Variants in PATJ observed in about 807,000 individuals in gnomAD.
PATJ encodes the protein PATJ crumbs cell polarity complex component.
In PATJ, 190 loss-of-function variants were observed where a neutral mutation model predicts 224.9. The observed-to-expected ratio is 0.84, with a 90% CI of 0.75 to 0.95. The LOEUF (loss-of-function observed/expected upper bound fraction) is 0.95, where lower values mean the gene tolerates loss of function less well. PATJ is among the 40% of genes least tolerant of loss of function. The pLI is 0.00. For missense variants in PATJ, 2,121 were observed against 2,270.3 expected, an observed-to-expected ratio of 0.93 and a Z score of 1.34; for synonymous variants, 769 against 820.3, an observed-to-expected ratio of 0.94 and a Z score of 1.07.
intron 31 of PATJ, among the ~76,000 whole-genome samples, chr1:62,064,750 A>C (rs1656117648): frequency 6.6e-6 from 1 of 152,174 alleles, no homozygotes; most frequent in African/African-American, 2.4e-5. Flanking sequence ...GTTATATCCT[A>C]CTCATTTTTA....
chr1:61,877,807 C>T (rs905299454), intron 21 of PATJ, among the ~76,000 whole-genome samples: 4 of 152,122 alleles, frequency 2.6e-5, no homozygotes, highest in African/African-American at 9.7e-5. Flanking sequence ...CAACTTAAAT[C>T]CTAGAGCATT....
chr1:61,847,397 C>T (rs1662137256), intron 17 of PATJ, among the ~76,000 whole-genome samples: 1 of 152,146 alleles, frequency 6.6e-6, no homozygotes, highest in Non-Finnish European at 1.5e-5. Flanking sequence ...GCTTACTGTG[C>T]AGCTCTGGGA....
At chr1:61,756,294 T>C (rs1645635029) in intron 1 of PATJ, among the ~76,000 whole-genome samples, 1 of 152,202 alleles carries the variant, frequency 6.6e-6, no homozygotes, top group South Asian at 2.1e-4. Flanking sequence ...AAGCTAGTTA[T>C]TGTTTTCACA....
intron 28 of PATJ, among the ~76,000 whole-genome samples, chr1:62,004,083 C>G (rs1645952727): frequency 6.6e-6 from 1 of 152,146 alleles, no homozygotes; most frequent in African/African-American, 2.4e-5. Context: ...AGCAAACTAC[C>G]CAACTCCAAG....
chr1:61,754,848 C>G (rs574759279), intron 1 of PATJ, among the ~76,000 whole-genome samples: 1 of 151,794 alleles, frequency 6.6e-6, no homozygotes, highest in African/African-American at 2.4e-5. Flanking sequence ...TCTCTTGAGC[C>G]CAGGAGTTCA....
intron 26 of PATJ, among the ~76,000 whole-genome samples, chr1:61,917,176 A>G (rs906550162): frequency 4.6e-5 from 7 of 152,236 alleles, no homozygotes; most frequent in African/African-American, 1.4e-4. Flanking sequence ...AAGAGCTGTT[A>G]CCATCTTTGT....
chr1:61,965,682 G>A (rs913630906), intron 27 of PATJ, among the ~76,000 whole-genome samples: 1 of 152,186 alleles, frequency 6.6e-6, no homozygotes, highest in Non-Finnish European at 1.5e-5. Context: ...GCACCCAAAT[G>A]CGAGTGGCAA....
chr1:62,144,780 ATAT>A (rs1667869782), intron 41 of PATJ, among the ~76,000 whole-genome samples: 1 of 119,154 alleles, frequency 8.4e-6, no homozygotes, highest in Admixed American at 8.0e-5. Flanking sequence ...AAAAAAAAAT[ATAT>A]ATATATATAT....
intron 43 of PATJ, among the ~76,000 whole-genome samples, chr1:62,160,455 A>T (rs1669736486): frequency 6.6e-6 from 1 of 152,210 alleles, no homozygotes. Context: ...GACTACACTT[A>T]TTTTTGACAG....
At chr1:61,999,231 G>A (rs1159860029) in intron 28 of PATJ, among the ~76,000 whole-genome samples, 4 of 151,974 alleles carry the variant, frequency 2.6e-5, no homozygotes, top group Admixed American at 2.6e-4. Flanking sequence ...TTGTTCTCTG[G>A]GCCTCCATTT....
chr1:61,794,661 TTTG>T (rs551832327), intron 9 of PATJ, among the ~76,000 whole-genome samples: 3 of 151,926 alleles, frequency 2.0e-5, no homozygotes, highest in Non-Finnish European at 2.9e-5. Flanking sequence ...CTCATACTAA[TTTG>T]TTGTTGTTGT....
chr1:61,803,575 A>G (rs990344173), intron 12 of PATJ, among the ~76,000 whole-genome samples: 8 of 152,226 alleles, frequency 5.3e-5, no homozygotes, highest in Non-Finnish European at 7.3e-5. Flanking sequence ...CAAAAAGCCA[A>G]TAACAACACT....
At chr1:61,906,596 C>T (rs918524918) in intron 24 of PATJ, among the ~76,000 whole-genome samples, 3 of 152,190 alleles carry the variant, frequency 2.0e-5, no homozygotes, top group African/African-American at 7.2e-5. Flanking sequence ...CTCATGTGCC[C>T]ACTTTCTCCT....
intron 7 of PATJ, among the ~76,000 whole-genome samples, chr1:61,778,583 C>T (rs1206580139): frequency 6.6e-6 from 1 of 152,150 alleles, no homozygotes; most frequent in Non-Finnish European, 1.5e-5. Flanking sequence ...TCTTCATATA[C>T]ATCATCCAAA....
chr1:61,993,033 C>A (rs1416646325), intron 28 of PATJ, among the ~76,000 whole-genome samples: 2 of 152,136 alleles, frequency 1.3e-5, no homozygotes, highest in Non-Finnish European at 2.9e-5. Flanking sequence ...CACTAGGTAC[C>A]TGGAGACAGC....
intron 33 of PATJ, among the ~76,000 whole-genome samples, chr1:62,106,412 A>G (rs1313415173): frequency 6.6e-6 from 1 of 151,212 alleles, no homozygotes; most frequent in Non-Finnish European, 1.5e-5. Flanking sequence ...TCGAAGCTGC[A>G]GTGAGCTATG....
intron 38 of PATJ, 59 bp downstream of exon 38, chr1:62,121,354 ATG>A: frequency 1.0e-5 from 11 of 1,099,796 alleles, no homozygotes; most frequent in African/African-American, 4.8e-5. Flanking sequence ...AAAAAAAAAA[ATG>A]TGTTTTTTAA....
At chr1:61,810,514 TAG>T (rs1654493027) in intron 14 of PATJ, among the ~76,000 whole-genome samples, 1 of 151,752 alleles carries the variant, frequency 6.6e-6, no homozygotes, top group African/African-American at 2.4e-5. Flanking sequence ...CTGGCCAACA[TAG>T]TGAAACCCTG....
At chr1:62,099,316 A>T (rs17123076) in intron 33 of PATJ, among the ~76,000 whole-genome samples, 2,354 of 126,030 alleles carry the variant, frequency 0.019, 50 homozygotes, top group South Asian at 0.098. Flanking sequence ...AGGAAAACAT[A>T]TGACTATTTT....
Sources: allele counts gnomAD v4.1 joint callset (sites outside exome capture counted in the v4.1 genomes callset), GRCh38; gene constraint gnomAD v4.1.1; transcripts MANE v1.5; gene names NCBI Gene and HGNC (gene_info 2026-07-23, HGNC 2026-07-21).